RPS6KB1: variants seen among roughly 807,000 people sequenced by gnomAD.
RPS6KB1 encodes the protein ribosomal protein S6 kinase beta-1.
A neutral mutation model predicts 70.2 loss-of-function variants in RPS6KB1; 12 were observed. The ratio of observed to expected loss-of-function variants is 0.17; its 90% confidence interval spans 0.11 to 0.28. The LOEUF is 0.28. RPS6KB1 is among the 10% of genes least tolerant of loss of function. RPS6KB1 has a pLI of 1.00. For missense variants in RPS6KB1, 270 were observed against 646.6 expected, an observed-to-expected ratio of 0.42 and a Z score of 6.32; for synonymous variants, 175 against 211.2, an observed-to-expected ratio of 0.83 and a Z score of 1.49.
intron 1 of RPS6KB1, among the ~76,000 whole-genome samples, chr17:59,903,101 T>A (rs897636497): frequency 6.6e-6 from 1 of 151,156 alleles, no homozygotes; most frequent in Non-Finnish European, 1.5e-5. Context: ...AAGTCAAGAG[T>A]TTAAGACCAG....
intron 1 of RPS6KB1, among the ~76,000 whole-genome samples, chr17:59,903,024 T>G (rs2042048641): frequency 6.6e-6 from 1 of 151,502 alleles, no homozygotes; most frequent in African/African-American, 2.4e-5. Flanking sequence ...CTACAAAAAA[T>G]GAGCCGATGC....
At chr17:59,898,410 T>C (rs1030233154) in intron 1 of RPS6KB1, among the ~76,000 whole-genome samples, 1 of 152,132 alleles carries the variant, frequency 6.6e-6, no homozygotes, top group East Asian at 1.9e-4. Context: ...TCAATACTTA[T>C]CTTGCTTTGT....
At chr17:59,911,455 G>A (rs558239758) in intron 2 of RPS6KB1, among the ~76,000 whole-genome samples, 1 of 151,804 alleles carries the variant, frequency 6.6e-6, no homozygotes, top group Non-Finnish European at 1.5e-5. Context: ...CCACCTCCTG[G>A]GTTCAAGCGA....
At chr17:59,933,676 G>A (rs989624290) in intron 7 of RPS6KB1, among the ~76,000 whole-genome samples, 8 of 152,098 alleles carry the variant, frequency 5.3e-5, no homozygotes, top group Non-Finnish European at 7.4e-5. Flanking sequence ...GTAGCATTGG[G>A]CAGAATGAGC....
At chr17:59,910,906 T>C (rs1243130303) in intron 2 of RPS6KB1, among the ~76,000 whole-genome samples, 1 of 152,214 alleles carries the variant, frequency 6.6e-6, no homozygotes, top group Non-Finnish European at 1.5e-5. Flanking sequence ...CAGAAAAATT[T>C]GTAGAAATGC....
In RPS6KB1 at chr17:59,942,340, A is replaced by G. The variant is rs1456663231; in HGVS notation, c.1227+1397A>G. Among the ~76,000 whole-genome samples, 3 of 152,340 alleles carry G rather than the reference A, an allele frequency of 2.0e-5. No individual in the cohort carries two copies. In the East Asian group the frequency reaches 5.8e-4, roughly 29 times the overall value. ...GAATTCTCATTGTAGAAATGTCTGT[A>G]TAGATTTATAGCTTGTCTCCTCAGA... is the stretch of plus-strand genomic sequence containing the variant. On this transcript the variant is annotated intron_variant, in intron 13 of 14. Transcript: ENST00000225577.
At chr17:59,936,105 C>G (rs1230128348) in intron 10 of RPS6KB1, 110 bp from the exon 11 acceptor site, 2 of 960,448 alleles carry the variant, frequency 2.1e-6, no homozygotes, top group African/African-American at 3.4e-5. Context: ...CTGTGCCTGG[C>G]CAATAAACTA....
chr17:59,924,111 A>C (rs1598757325), intron 4 of RPS6KB1, among the ~76,000 whole-genome samples: 1 of 152,216 alleles, frequency 6.6e-6, no homozygotes, highest in African/African-American at 2.4e-5. Flanking sequence ...AGGCGGGCGG[A>C]TCATGAGCTC....
At chr17:59,900,415 G>C (rs898300372) in intron 1 of RPS6KB1, among the ~76,000 whole-genome samples, 5 of 151,902 alleles carry the variant, frequency 3.3e-5, no homozygotes, top group African/African-American at 1.2e-4. Context: ...ATCCAGCCTG[G>C]AGTGCAATGG....
At chr17:59,940,971 T>C (rs779901138) in intron 13 of RPS6KB1, 28 bp downstream of exon 13, 29 of 1,464,524 alleles carry the variant, frequency 2.0e-5, no homozygotes, top group African/African-American at 4.2e-5. Flanking sequence ...CATGTAGTCA[T>C]GGGAAATTTT....
In RPS6KB1 at chr17:59,946,823, A is replaced by T. The variant is rs1314440270; in HGVS notation, c.*35A>T. ...GCTTTTAATGAATTTAAGGCAAAAA[A>T]GGTGGAGAGGGAGATGTGTGAGCAT... On this transcript the variant is annotated 3_prime_UTR_variant, in exon 15 of 15. Transcript: ENST00000225577. The surrounding 1 kb of genome is among the most constrained non-coding windows in gnomAD (Gnocchi z 4.2). The T allele has an allele frequency of 1.4e-5, 23 of 1,609,958 alleles. No homozygotes were observed. The highest frequency in any genetic ancestry group is 1.9e-5 in the Non-Finnish European group (22 of 1,176,934).
chr17:59,929,642 T>C (rs540659156), intron 5 of RPS6KB1, among the ~76,000 whole-genome samples: 130 of 152,356 alleles, frequency 8.5e-4, no homozygotes, highest in African/African-American at 3.1e-3. Context: ...TTTATTTTGA[T>C]ACTCAAATTG....
intron 13 of RPS6KB1, among the ~76,000 whole-genome samples, chr17:59,941,880 A>G (rs1398599991): frequency 1.6e-5 from 2 of 122,266 alleles, no homozygotes; most frequent in African/African-American, 3.2e-5. Flanking sequence ...TTTTTTTGAG[A>G]AGGAGTCTCG....
intron 13 of RPS6KB1, among the ~76,000 whole-genome samples, chr17:59,943,945 T>C (rs1435002531): frequency 4.7e-5 from 7 of 147,740 alleles, no homozygotes; most frequent in Non-Finnish European, 8.9e-5. Flanking sequence ...CACACACACA[T>C]ATAGTGACAT....
chr17:59,947,686 A>G lies in RPS6KB1; in HGVS notation c.*898A>G. On this transcript the variant is annotated 3_prime_UTR_variant, in exon 15 of 15. Transcript: ENST00000225577. ...CCGGGCCTGCATTGCACTGGAAAAA[A>G]AAATCGCCACCTGTTCTTACACCAG... The G allele has an allele frequency of 2.5e-6, 2 of 805,162 alleles. No individual in the cohort carries two copies. The highest frequency in any genetic ancestry group is 4.2e-6 in the Non-Finnish European group (2 of 476,082). 49.9% of individuals were successfully genotyped at this position (805,162 alleles called of 1,614,324 possible). A position where few individuals can be genotyped will look rare whatever the true frequency, so the allele number is the denominator to read the frequency against.
intron 1 of RPS6KB1, among the ~76,000 whole-genome samples, chr17:59,904,381 G>A (rs1403139991): frequency 6.0e-5 from 9 of 150,320 alleles, no homozygotes; most frequent in African/African-American, 2.2e-4. Flanking sequence ...GCACAGCCCG[G>A]AGTAATTCTT....
chr17:59,893,346 G>A lies in RPS6KB1; in HGVS notation c.141+21G>A. On this transcript the variant is annotated intron_variant, in intron 1 of 14. Transcript: ENST00000225577. This position sits in a 1 kb window ranked among gnomAD's most constrained non-coding sequence, Gnocchi z 4.1. The stretch of plus-strand genomic sequence containing the variant: ...AGGGGGTGAGGCCCGGGGTCCCCGG[G>A]GGCCCGAGGTGACAGGGCCGGGGCG... 1.9e-6 allele frequency: 3 copies of A among 1,586,254 alleles called. No individual in the cohort carries two copies. Among genetic ancestry groups the A allele is most frequent in the East Asian group, 2.3e-5 (1 of 43,450 alleles).
At chr17:59,912,314 G>T in intron 2 of RPS6KB1, 1 of 231,766 alleles carries the variant, frequency 4.3e-6, no homozygotes, top group Non-Finnish European at 8.9e-6. Context: ...CAATATGTGC[G>T]CCAGTGTTTC....
At chr17:59,938,138 GTTT>G (rs759698631) in intron 12 of RPS6KB1, among the ~76,000 whole-genome samples, 1 of 66,870 alleles carries the variant, frequency 1.5e-5, no homozygotes. Flanking sequence ...TTCCTTAGTT[GTTT>G]TTTTTTTTTT....
Sources: allele counts gnomAD v4.1 joint callset (sites outside exome capture counted in the v4.1 genomes callset), GRCh38; gene constraint gnomAD v4.1.1; non-coding constraint Gnocchi (gnomAD v3.1); transcripts MANE v1.5; gene names NCBI Gene and HGNC (gene_info 2026-07-23, HGNC 2026-07-21).